The following ANKRD7 variants were observed in gnomAD, a reference collection of about 807,000 sequenced individuals.
The protein encoded by ANKRD7 is ankyrin repeat domain-containing protein 7.
Under a neutral mutation model 30.8 loss-of-function variants are expected in ANKRD7, and 30 were observed. The observed-to-expected ratio is 0.97, with a 90% CI of 0.73 to 1.32. The LOEUF (loss-of-function observed/expected upper bound fraction) is 1.32, where lower values mean the gene tolerates loss of function less well. Among genes scored for constraint, ANKRD7 ranks in the 40% most tolerant of loss-of-function variants. The probability of loss-of-function intolerance (pLI) is 0.00; values close to 1 mark genes in which losing one functional copy is unlikely to be tolerated. For missense variants in ANKRD7, 264 were observed against 295.7 expected, an observed-to-expected ratio of 0.89 and a Z score of 0.79; for synonymous variants, 97 against 106.6, an observed-to-expected ratio of 0.91 and a Z score of 0.55.
chr7:118,242,388 G>A lies in ANKRD7; in HGVS notation c.*77G>A, dbSNP rs1004640452. 1 of 151,938 alleles carries A rather than the reference G, an allele frequency of 6.6e-6. No homozygotes were observed. Among genetic ancestry groups the A allele is most frequent in the African/African-American group, 2.4e-5 (1 of 41,392 alleles). The allele number at this position is 151,938 out of a possible 1,614,324, so 9.4% of individuals were successfully genotyped here. ...TCTACAATTTCTTTGCCGCTTCCTTGAATTGGAAAAATGTACTTTGAAAGA... is the reference window on the plus strand; with the variant it reads ...TCTACAATTTCTTTGCCGCTTCCTTAAATTGGAAAAATGTACTTTGAAAGA... On this transcript the variant is annotated 3_prime_UTR_variant, in exon 7 of 7. Coordinates refer to ENST00000265224, the MANE Select transcript of ANKRD7 (RefSeq NM_019644.4).
intron 4 of ANKRD7, 81 bp downstream of exon 4, chr7:118,236,228 G>GTGTGTGTT: frequency 1.3e-6 from 1 of 769,840 alleles, no homozygotes; most frequent in South Asian, 1.9e-5. Context: ...GTGTGTGTGT[G>GTGTGTGTT]TGTGTGTGTG....
At chr7:118,238,889 G>C (rs1809777700) in intron 5 of ANKRD7, among the ~76,000 whole-genome samples, 1 of 152,172 alleles carries the variant, frequency 6.6e-6, no homozygotes, top group South Asian at 2.1e-4. Context: ...GAAAGCCGTG[G>C]CCTAGTACCT....
At chr7:118,227,005 A>G (rs1363533355) in intron 1 of ANKRD7, among the ~76,000 whole-genome samples, 1 of 152,062 alleles carries the variant, frequency 6.6e-6, no homozygotes, top group Non-Finnish European at 1.5e-5. Context: ...AAGTTTTACT[A>G]TTGCTATTTT....
At position 118,234,853 on chromosome 7, in the gene ANKRD7, T is replaced by C; in HGVS notation, c.447T>C (p.Ala149=). The part of the protein sequence containing the change: ...SLVEKLLEYE[A]DLEAKNKDGY... ...TTGAAAAACTGCTTGAATACGAAGC[T>C]GATCTTGAAGCGAAAAATAAGGTAG... The change falls in exon 3 of 7, where the codon GCT becomes GCC. Residue 149 remains alanine, a synonymous_variant. Transcript: ENST00000265224. 6.2e-7 allele frequency: 1 copy of C among 1,603,614 alleles called. No homozygotes were observed. Among genetic ancestry groups the C allele is most frequent in the Non-Finnish European group, 8.5e-7 (1 of 1,177,416 alleles).
chr7:118,225,631 A>G (rs1031831073), intron 1 of ANKRD7, among the ~76,000 whole-genome samples: 5 of 152,136 alleles, frequency 3.3e-5, no homozygotes, highest in African/African-American at 9.7e-5. Flanking sequence ...GTCCCCAGGC[A>G]CTAAGATGTA....
intron 5 of ANKRD7, 24 bp from the exon 6 acceptor site, chr7:118,239,885 A>G (rs1290677829): frequency 2.7e-6 from 4 of 1,501,832 alleles, no homozygotes; most frequent in Non-Finnish European, 3.7e-6. Flanking sequence ...GCATGCTGGC[A>G]TTCACACGTA....
At chr7:118,234,071 C>G (rs1245959377) in intron 1 of ANKRD7, among the ~76,000 whole-genome samples, 1 of 152,072 alleles carries the variant, frequency 6.6e-6, no homozygotes, top group African/African-American at 2.4e-5. Flanking sequence ...CCTCCTGTTA[C>G]CTATTAGATG....
rs1475063774 is a variant in ANKRD7, at chr7:118,234,522, G to A, written c.271G>A (p.Glu91Lys). ...ATGCAAAATAAATGTCCGGGATAGT[G>A]AAAACAAATCCCCATTGATTAAGGT... is the stretch of plus-strand genomic sequence containing the variant. ...QQCKINVRDSENKSPLIKAVQ... is the reference protein window; with the variant it reads ...QQCKINVRDSKNKSPLIKAVQ... The change falls in exon 2 of 7, where the codon GAA (glutamate) becomes AAA (lysine). Residue 91 changes from glutamate (E) to lysine (K), a missense_variant. Coordinates refer to ENST00000265224, the MANE Select transcript of ANKRD7 (RefSeq NM_019644.4). 1 of 1,611,850 alleles carries A rather than the reference G, an allele frequency of 6.2e-7. No homozygotes were observed. The highest frequency in any genetic ancestry group is 1.1e-5 in the South Asian group (1 of 90,538).
rs556923246 is a variant in ANKRD7, at chr7:118,242,506, A to G, written c.*195A>G. On this transcript the variant is annotated 3_prime_UTR_variant, in exon 7 of 7. Coordinates refer to ENST00000265224, the MANE Select transcript of ANKRD7 (RefSeq NM_019644.4). ...GGGATTTTTTTTTTTTCACGTTAGA[A>G]GACATGAAGAAATTTTAAAAGATAA... is the stretch of plus-strand genomic sequence containing the variant. 3 of 152,066 alleles carry G rather than the reference A, an allele frequency of 2.0e-5. No homozygotes were observed. Among genetic ancestry groups the G allele is most frequent in the Non-Finnish European group, 2.9e-5 (2 of 67,948 alleles). The allele number at this position is 152,066 out of a possible 1,614,324, so 9.4% of individuals were successfully genotyped here.
chr7:118,235,497 AGCT>A (rs1015640856), intron 3 of ANKRD7, among the ~76,000 whole-genome samples: 1 of 151,446 alleles, frequency 6.6e-6, no homozygotes, highest in African/African-American at 2.4e-5. Context: ...CTGTAGTCCC[AGCT>A]GCTCGGGAGG....
intron 1 of ANKRD7, among the ~76,000 whole-genome samples, chr7:118,233,590 C>T (rs1320899551): frequency 1.3e-5 from 2 of 151,944 alleles, no homozygotes; most frequent in Non-Finnish European, 2.9e-5. Context: ...TTTGCTACTC[C>T]TGTGTGTCAA....
At chr7:118,232,667 T>C (rs1809661857) in intron 1 of ANKRD7, among the ~76,000 whole-genome samples, 1 of 151,926 alleles carries the variant, frequency 6.6e-6, no homozygotes, top group Admixed American at 6.6e-5. Flanking sequence ...AGCAGCCATT[T>C]GTGGAGGACC....
intron 3 of ANKRD7, 90 bp from the exon 4 acceptor site, chr7:118,235,951 C>T (rs1809720540): frequency 1.6e-6 from 1 of 642,302 alleles, no homozygotes. Context: ...TTCAGAAGTT[C>T]TTATGCACAC....
rs1584728826 is a variant in ANKRD7, at chr7:118,242,466, G to A, written c.*155G>A. On this transcript the variant is annotated 3_prime_UTR_variant, in exon 7 of 7. Coordinates refer to ENST00000265224, the MANE Select transcript of ANKRD7 (RefSeq NM_019644.4). The stretch of plus-strand genomic sequence containing the variant: ...TTGCTGACTACCCAGTTGAAGAAAA[G>A]TTTGTTAATTGGATGGGATTTTTTT... 6.8e-6 allele frequency: 1 copy of A among 147,670 alleles called. No homozygotes were observed. Among genetic ancestry groups the A allele is most frequent in the African/African-American group, 2.5e-5 (1 of 40,296 alleles). The allele number at this position is 147,670 out of a possible 1,614,324, so 9.1% of individuals were successfully genotyped here. A position where few individuals can be genotyped will look rare whatever the true frequency, so the allele number is the denominator to read the frequency against.
At chr7:118,237,286 C>T (rs1809746914) in intron 5 of ANKRD7, among the ~76,000 whole-genome samples, 1 of 152,144 alleles carries the variant, frequency 6.6e-6, no homozygotes, top group South Asian at 2.1e-4. Flanking sequence ...GGATTGTATT[C>T]ATGTTTTGAA....
intron 1 of ANKRD7, among the ~76,000 whole-genome samples, chr7:118,230,003 CA>C (rs1809607604): frequency 6.6e-6 from 1 of 151,978 alleles, no homozygotes; most frequent in South Asian, 2.1e-4. Flanking sequence ...AAACCCTCAA[CA>C]AACTAGGCAT....
Position 118,234,520 on chromosome 7 carries a change from G to A in ANKRD7, c.269G>A (p.Ser90Asn). The A allele has an allele frequency of 6.2e-7, 1 of 1,611,994 alleles. No homozygotes were observed. The highest frequency in any genetic ancestry group is 1.1e-5 in the South Asian group (1 of 90,524). The change falls in exon 2 of 7, where the codon AGT becomes AAT. Residue 90 changes from serine to asparagine, a missense_variant. Ser to Asn is a conservative substitution (Grantham distance 46). Transcript: ENST00000265224. ...EQQCKINVRDSENKSPLIKAV... is the reference protein window; with the variant it reads ...EQQCKINVRDNENKSPLIKAV... ...CAATGCAAAATAAATGTCCGGGATA[G>A]TGAAAACAAATCCCCATTGATTAAG...
intron 6 of ANKRD7, among the ~76,000 whole-genome samples, chr7:118,240,538 A>T (rs1298626979): frequency 6.6e-6 from 1 of 152,196 alleles, no homozygotes; most frequent in African/African-American, 2.4e-5. Flanking sequence ...AATATTTGTG[A>T]TTAAAATATT....
chr7:118,237,260 G>A (rs1223951530), intron 5 of ANKRD7, among the ~76,000 whole-genome samples: 1 of 152,102 alleles, frequency 6.6e-6, no homozygotes, highest in Non-Finnish European at 1.5e-5. Flanking sequence ...ATTGCCTTTA[G>A]ATATTATTAA....
Sources: gnomAD v4.1 joint callset for allele counts (sites outside exome capture counted in the v4.1 genomes callset) on GRCh38, gnomAD v4.1.1 for gene constraint, MANE v1.5 for transcripts, NCBI Gene and HGNC (gene_info 2026-07-23, HGNC 2026-07-21) for gene names.